The following TMOD3 variants were observed in gnomAD, a reference collection of about 807,000 sequenced individuals.
The protein encoded by TMOD3 is tropomodulin 3.
In TMOD3, 20 loss-of-function variants were observed where a neutral mutation model predicts 39.2. The observed-to-expected ratio is 0.51, with a 90% CI of 0.36 to 0.74. The LOEUF is 0.74. Ranked by LOEUF, TMOD3 falls within the 30% of genes least tolerant of loss-of-function variation. The pLI, the probability that TMOD3 is intolerant of heterozygous loss-of-function variation, is 0.00. For missense variants in TMOD3, 381 were observed against 412.8 expected (o/e 0.92, Z 0.67); for synonymous variants, 143 against 145.8 (o/e 0.98, Z 0.14).
chr15:51,865,507 C>T (rs1330302547), intron 2 of TMOD3, among the ~76,000 whole-genome samples: 2 of 152,128 alleles, frequency 1.3e-5, no homozygotes, highest in African/African-American at 4.8e-5. Flanking sequence ...AATCTGTTGG[C>T]TAATTTTTTA....
intron 3 of TMOD3, among the ~76,000 whole-genome samples, chr15:51,873,660 G>A (rs1341048694): frequency 6.6e-6 from 1 of 151,928 alleles, no homozygotes; most frequent in Non-Finnish European, 1.5e-5. Context: ...CACATAGTGA[G>A]CTCTCATCGT....
At chr15:51,877,680 TAAA>T (rs879610786) in intron 3 of TMOD3, among the ~76,000 whole-genome samples, 3 of 137,146 alleles carry the variant, frequency 2.2e-5, no homozygotes, top group African/African-American at 2.7e-5. Context: ...AACTCTGTCT[TAAA>T]AAAAAAAAAA....
intron 1 of TMOD3, among the ~76,000 whole-genome samples, chr15:51,850,033 G>A (rs777540788): frequency 1.3e-5 from 2 of 152,104 alleles, no homozygotes; most frequent in Non-Finnish European, 2.9e-5. Flanking sequence ...GGGGATGAAA[G>A]CCAGATGGGA....
chr15:51,876,464 C>CTTT (rs35777134), intron 3 of TMOD3, among the ~76,000 whole-genome samples: 1 of 136,726 alleles, frequency 7.3e-6, no homozygotes, highest in Non-Finnish European at 1.6e-5. Context: ...GCACCCAGCG[C>CTTT]TTTTTTTTTT....
intron 1 of TMOD3, among the ~76,000 whole-genome samples, chr15:51,845,565 G>A (rs2056331746): frequency 6.6e-6 from 1 of 152,062 alleles, no homozygotes; most frequent in Non-Finnish European, 1.5e-5. Flanking sequence ...AGACCAGCCT[G>A]GGCAACATAG....
intron 1 of TMOD3, among the ~76,000 whole-genome samples, chr15:51,840,387 G>A (rs182280191): frequency 2.0e-4 from 31 of 152,270 alleles, no homozygotes; most frequent in Admixed American, 1.0e-3. Context: ...ATTTAATGAA[G>A]ATAATGACTA....
chr15:51,854,722 T>C (rs1366889449), intron 1 of TMOD3, among the ~76,000 whole-genome samples: 1 of 152,220 alleles, frequency 6.6e-6, no homozygotes, highest in Non-Finnish European at 1.5e-5. Context: ...AACAAAGCAG[T>C]TCTCCCAGGT....
chr15:51,835,030 C>T (rs372673515), intron 1 of TMOD3: 1 of 152,140 alleles, frequency 6.6e-6, no homozygotes, highest in Non-Finnish European at 1.5e-5. Flanking sequence ...GGGCTAGTTA[C>T]CATGTATTTC....
chr15:51,885,619 A>T (rs574921114), intron 3 of TMOD3, among the ~76,000 whole-genome samples: 1 of 152,330 alleles, frequency 6.6e-6, no homozygotes, highest in African/African-American at 2.4e-5. Context: ...AAGGCTATAG[A>T]TTAACAGCAT....
chr15:51,907,673 C>G (rs1027907643), intron 9 of TMOD3, among the ~76,000 whole-genome samples: 3 of 152,208 alleles, frequency 2.0e-5, no homozygotes, highest in Non-Finnish European at 2.9e-5. Context: ...AACTCTGGAA[C>G]CTGTGGTTTT....
chr15:51,893,728 G>T lies in TMOD3; in HGVS notation c.497-87G>T. The T allele has an allele frequency of 3.1e-6, 4 of 1,296,938 alleles. No individual in the cohort carries two copies. The South Asian group carries it at 8.6e-5, about 28-fold the overall frequency. The allele number at this position is 1,296,938 out of a possible 1,614,324, so 80.3% of individuals were successfully genotyped here. A position where few individuals can be genotyped will look rare whatever the true frequency, so the allele number is the denominator to read the frequency against. ...TGCAGTGAGCCGAGATCGTGCCACT[G>T]CACTCCGGCCTGGGCGAAAGTGCGA... is the stretch of plus-strand genomic sequence containing the variant. On this transcript the variant is annotated intron_variant, in intron 5 of 9. Transcript: ENST00000308580.
chr15:51,874,127 A>G (rs1422894392), intron 3 of TMOD3, among the ~76,000 whole-genome samples: 1 of 152,168 alleles, frequency 6.6e-6, no homozygotes, highest in East Asian at 1.9e-4. Flanking sequence ...AAAATTTCAC[A>G]TTTAGTTTTT....
rs148073307 is a variant in TMOD3 at position 51,911,891 on chromosome 15, A to G, written c.*3081A>G. 33 of 152,344 alleles carry G rather than the reference A, an allele frequency of 2.2e-4. 1 individual carries two copies. The East Asian group carries it at 5.2e-3, about 24-fold the overall frequency. The allele number at this position is 152,344 out of a possible 1,614,324, so 9.4% of individuals were successfully genotyped here. On this transcript the variant is annotated 3_prime_UTR_variant, in exon 10 of 10. Transcript: ENST00000308580. The stretch of plus-strand genomic sequence containing the variant: ...AGTTGCCTGTCATTTAAAAGACCAA[A>G]TAAGCATTTTGTATTAAATAAATTA...
At chr15:51,830,513 A>C (rs1292400044) in intron 1 of TMOD3, among the ~76,000 whole-genome samples, 1 of 152,176 alleles carries the variant, frequency 6.6e-6, no homozygotes, top group Non-Finnish European at 1.5e-5. Context: ...AAACAGCCAC[A>C]GTTTCTTTTT....
At chr15:51,887,341 A>G (rs774834875) in intron 3 of TMOD3, among the ~76,000 whole-genome samples, 5 of 151,602 alleles carry the variant, frequency 3.3e-5, no homozygotes, top group African/African-American at 4.8e-5. Context: ...GCAACTCGCA[A>G]TTACTCTAAA....
intron 1 of TMOD3, among the ~76,000 whole-genome samples, 186 bp downstream of exon 1, chr15:51,830,022 CG>C (rs2056246060): frequency 6.6e-6 from 1 of 152,058 alleles, no homozygotes; most frequent in Admixed American, 6.5e-5. Flanking sequence ...ACGGCCCGGG[CG>C]GGGGACGTGG....
In TMOD3 at chr15:51,900,247, T is replaced by G. The variant is rs1162476712; in HGVS notation, c.828T>G (p.Ile276Met). ...CGGGAGTTGGGATTCTGGCACTGAT[T>G]GATGCGTTAAGAGATAATGAAACCC... Reference protein sequence around the residue: ...FITGVGILALIDALRDNETLA... With the variant: ...FITGVGILALMDALRDNETLA... The change falls in exon 8 of 10, where the codon ATT (isoleucine) becomes ATG (methionine). Residue 276 changes from isoleucine to methionine, a missense_variant. Transcript: ENST00000308580. 5 of 1,614,204 alleles carry G rather than the reference T, an allele frequency of 3.1e-6. No homozygotes were observed. The highest frequency in any genetic ancestry group is 4.2e-6 in the Non-Finnish European group (5 of 1,180,040).
chr15:51,896,048 C>A (rs1258315459), intron 6 of TMOD3, among the ~76,000 whole-genome samples: 1 of 152,170 alleles, frequency 6.6e-6, no homozygotes, highest in East Asian at 1.9e-4. Flanking sequence ...ATAGAGGTTG[C>A]AGTGAGCTGA....
intron 1 of TMOD3, among the ~76,000 whole-genome samples, chr15:51,844,549 A>G (rs1229857684): frequency 6.6e-6 from 1 of 152,184 alleles, no homozygotes; most frequent in Non-Finnish European, 1.5e-5. Flanking sequence ...AGTCTTGGTT[A>G]TAAAATTTAA....
Sources: gnomAD v4.1 joint callset for allele counts (sites outside exome capture counted in the v4.1 genomes callset) on GRCh38, gnomAD v4.1.1 for gene constraint, MANE v1.5 for transcripts, NCBI Gene and HGNC (gene_info 2026-07-23, HGNC 2026-07-21) for gene names.